The following GJB7 variants were observed in gnomAD, a reference collection of about 807,000 sequenced individuals.
GJB7 encodes the protein gap junction protein beta 7, also known as gap junction beta-7 protein.
For missense variants in GJB7, 253 were observed against 256.8 expected (o/e 0.99, Z 0.10); for synonymous variants, 87 against 95.2 (o/e 0.91, Z 0.50).
rs948199308 is a variant in GJB7 at position 87,302,458 on chromosome 6, C to T, written c.-27-17519G>A. On this transcript the variant is annotated intron_variant, in intron 2 of 2. Transcript: ENST00000525899. Reference sequence around the variant, plus strand: ...TGAAGATCAAATGAATGAAATGAAGCGAGAAGAGAAGTTTAGAGAAAAAAC... The same window carrying T: ...TGAAGATCAAATGAATGAAATGAAGTGAGAAGAGAAGTTTAGAGAAAAAAC... Among the ~76,000 whole-genome samples the T allele has an allele frequency of 1.6e-4, 24 of 152,010 alleles. 1 individual carries two copies. Among genetic ancestry groups the T allele is most frequent in the South Asian group, 8.3e-4 (4 of 4,806 alleles).
chr6:87,325,723 TTC>T (rs1776802468), intron 1 of GJB7, among the ~76,000 whole-genome samples: 1 of 152,130 alleles, frequency 6.6e-6, no homozygotes, highest in Admixed American at 6.5e-5. Flanking sequence ...TGGTCTAAAA[TTC>T]TCTTTTTTGG....
Position 87,304,951 on chromosome 6 carries a change from A to C in GJB7, c.-28+17915T>G, listed in dbSNP as rs1776400183. Among the ~76,000 whole-genome samples the C allele has an allele frequency of 2.6e-5, 4 of 152,248 alleles. No homozygotes were observed. The South Asian group carries it at 8.3e-4, about 31-fold the overall frequency. ...ATACGATTATCTCAATAGATGCAGA[A>C]AAGGCCTTTGAGAAAATTCAACAGC... On this transcript the variant is annotated intron_variant, in intron 2 of 2. Transcript: ENST00000525899.
intron 2 of GJB7, among the ~76,000 whole-genome samples, chr6:87,312,680 G>A (rs1776528970): frequency 6.6e-6 from 1 of 152,182 alleles, no homozygotes; most frequent in East Asian, 1.9e-4. Context: ...TATCCCTTTT[G>A]CCTTGATTCA....
At chr6:87,316,010 C>T (rs1341114606) in intron 2 of GJB7, among the ~76,000 whole-genome samples, 1 of 152,134 alleles carries the variant, frequency 6.6e-6, no homozygotes, top group Admixed American at 6.6e-5. Flanking sequence ...CAGGTGTGTG[C>T]TGAGTCTTCA....
chr6:87,313,288 G>A (rs1444998904), intron 2 of GJB7, among the ~76,000 whole-genome samples: 2 of 152,194 alleles, frequency 1.3e-5, no homozygotes, highest in African/African-American at 4.8e-5. Flanking sequence ...ACTACTTATT[G>A]AACTTAAGAC....
At chr6:87,299,970 A>C (rs1776296344) in intron 2 of GJB7, 2 of 330,088 alleles carry the variant, frequency 6.1e-6, no homozygotes, top group Non-Finnish European at 1.2e-5. Flanking sequence ...GCAGTGCTGA[A>C]GGCTGGTGGG....
In GJB7 at chr6:87,289,621, T is replaced by C. The variant is rs193063506; in HGVS notation, c.-27-4682A>G. Among the ~76,000 whole-genome samples, 32 of 152,296 alleles carry C rather than the reference T, an allele frequency of 2.1e-4. No homozygotes were observed. In the East Asian group the frequency reaches 6.0e-3, roughly 28 times the overall value. On this transcript the variant is annotated intron_variant, in intron 2 of 2. Transcript: ENST00000525899. Reference sequence around the variant, plus strand: ...GCTCATGTGGATGAATCCCTTAGAATAGATTGAGTAAACAATGTGCCTGAC... The same window carrying C: ...GCTCATGTGGATGAATCCCTTAGAACAGATTGAGTAAACAATGTGCCTGAC...
chr6:87,300,412 A>G lies in GJB7; in HGVS notation c.-27-15473T>C, dbSNP rs1298267593. ...AATTTCTAAAGGGAAGAACCCTGGA[A>G]TGGGTGCAGTGGGTGGAATGGGAGG... is the stretch of plus-strand genomic sequence containing the variant. On this transcript the variant is annotated intron_variant, in intron 2 of 2. Coordinates refer to ENST00000525899, the MANE Select transcript of GJB7 (RefSeq NM_198568.3). 5 of 250,102 alleles carry G rather than the reference A, an allele frequency of 2.0e-5. No homozygotes were observed. The East Asian group carries it at 4.1e-4, about 21-fold the overall frequency. The allele number at this position is 250,102 out of a possible 1,614,324, so 15.5% of individuals were successfully genotyped here. A position where few individuals can be genotyped will look rare whatever the true frequency, so the allele number is the denominator to read the frequency against.
intron 2 of GJB7, chr6:87,299,271 G>A (rs749634202): frequency 1.7e-5 from 8 of 474,106 alleles, no homozygotes; most frequent in Non-Finnish European, 3.0e-5. Flanking sequence ...AGGTTGCTAC[G>A]ATTTCTGCAA....
chr6:87,284,418 A>C lies in GJB7; in HGVS notation c.495T>G (p.Thr165=). The C allele has an allele frequency of 1.2e-6, 2 of 1,614,186 alleles. No individual in the cohort carries two copies. Among genetic ancestry groups the C allele is most frequent in the Non-Finnish European group, 1.7e-6 (2 of 1,180,012 alleles). ...TGGGTTTGGAGATGAAGCAGTCCAC[A>C]GTGTTGGGACAAGGCTTCAAATCAC... ...IKCDLKPCPN[T]VDCFISKPTE... Residue 165 remains threonine, a synonymous_variant, in exon 3 of 3, where the codon ACT becomes ACG. Coordinates refer to ENST00000525899, the MANE Select transcript of GJB7 (RefSeq NM_198568.3).
At chr6:87,328,736 C>G (rs1198054494) in intron 1 of GJB7, among the ~76,000 whole-genome samples, 1 of 152,188 alleles carries the variant, frequency 6.6e-6, no homozygotes, top group Non-Finnish European at 1.5e-5. Flanking sequence ...AGAGGTGGAG[C>G]CTACAGAGGC....
intron 2 of GJB7, among the ~76,000 whole-genome samples, chr6:87,317,335 G>T (rs1183803517): frequency 6.6e-6 from 1 of 152,084 alleles, no homozygotes; most frequent in Non-Finnish European, 1.5e-5. Context: ...CTGTACTCTA[G>T]CCTGGGCGAC....
chr6:87,310,635 C>T (rs756593234), intron 2 of GJB7, among the ~76,000 whole-genome samples: 4 of 150,670 alleles, frequency 2.7e-5, no homozygotes, highest in African/African-American at 5.0e-5. Context: ...CACCTGTTCC[C>T]CCAAAACATA....
intron 2 of GJB7, among the ~76,000 whole-genome samples, chr6:87,307,173 AT>A (rs1385707941): frequency 1.3e-5 from 2 of 151,562 alleles, no homozygotes; most frequent in Non-Finnish European, 2.9e-5. Flanking sequence ...TTAAAGTATA[AT>A]AATAAAATTT....
chr6:87,329,071 T>G (rs967599559), intron 1 of GJB7, 67 bp downstream of exon 1: 2 of 153,104 alleles, frequency 1.3e-5, no homozygotes, highest in African/African-American at 2.4e-5. Context: ...CCTGACCCCT[T>G]GCACTTCCCG....
chr6:87,284,742 C>T lies in GJB7; in HGVS notation c.171G>A (p.Gln57=). The T allele has an allele frequency of 6.2e-7, 1 of 1,614,162 alleles. No homozygotes were observed. The highest frequency in any genetic ancestry group is 8.5e-7 in the Non-Finnish European group (1 of 1,180,028). Residue 57 remains glutamine, a synonymous_variant, in exon 3 of 3, where the codon CAG becomes CAA. Coordinates refer to ENST00000525899, the MANE Select transcript of GJB7 (RefSeq NM_198568.3). The part of the protein sequence containing the change: ...EQKEFECNSR[Q]PGCKNVCFDD... ...CAAAACACACATTTTTGCAACCGGGCTGTCTACTGTTGCACTCAAACTCTT... is the reference window on the plus strand; with the variant it reads ...CAAAACACACATTTTTGCAACCGGGTTGTCTACTGTTGCACTCAAACTCTT...
rs572999972 is a variant in GJB7, at chr6:87,307,431, A to T, written c.-28+15435T>A. 7.9e-5 allele frequency among the ~76,000 whole-genome samples: 12 copies of T among 152,330 alleles called. No individual in the cohort carries two copies. The South Asian group carries it at 2.5e-3, about 32-fold the overall frequency. On this transcript the variant is annotated intron_variant, in intron 2 of 2. Transcript: ENST00000525899. ...AGCAAAAGAAACTACCATCAGAGTG[A>T]ACAGGCAACCTACAGAATGGGAGAC...
chr6:87,326,762 T>C (rs1776832526), intron 1 of GJB7, among the ~76,000 whole-genome samples: 1 of 119,184 alleles, frequency 8.4e-6, no homozygotes. Flanking sequence ...GGGTGGAGAG[T>C]TCTGTAGATG....
chr6:87,298,807 C>A (rs57780241), intron 2 of GJB7: 2 of 291,176 alleles, frequency 6.9e-6, no homozygotes. Context: ...CAGATGAGAC[C>A]GGTGTCCAGG....
Sources: gnomAD v4.1 joint callset for allele counts (sites outside exome capture counted in the v4.1 genomes callset) on GRCh38, gnomAD v4.1.1 for gene constraint, MANE v1.5 for transcripts, NCBI Gene and HGNC (gene_info 2026-07-23, HGNC 2026-07-21) for gene names.